Variants in GRM3 observed in about 807,000 individuals in gnomAD.
GRM3 encodes the protein glutamate metabotropic receptor 3.
In GRM3, 26 loss-of-function variants were observed where a neutral mutation model predicts 70.5. That is an observed-to-expected ratio of 0.37 (90% CI 0.27 to 0.51). GRM3 has a LOEUF of 0.51. Among genes scored for constraint, GRM3 ranks in the 20% least tolerant of loss-of-function variants. The pLI is 0.93. For missense variants in GRM3, 859 were observed against 1,123.8 expected (o/e 0.76, Z 3.37); for synonymous variants, 443 against 434.9 (o/e 1.02, Z -0.23).
chr7:86,815,572 T>C (rs1797999277), intron 3 of GRM3, among the ~76,000 whole-genome samples: 1 of 151,978 alleles, frequency 6.6e-6, no homozygotes, highest in South Asian at 2.1e-4. Context: ...CACAATTTCA[T>C]ATTACTATTC....
At chr7:86,832,425 T>A (rs571832160) in intron 3 of GRM3, among the ~76,000 whole-genome samples, 1 of 151,956 alleles carries the variant, frequency 6.6e-6, no homozygotes. Context: ...ATGTTTTGTA[T>A]TTTTAGTAGA....
intron 1 of GRM3, among the ~76,000 whole-genome samples, chr7:86,742,663 G>A (rs1196302099): frequency 6.6e-6 from 1 of 152,082 alleles, no homozygotes; most frequent in Non-Finnish European, 1.5e-5. Context: ...ATTTAGGTAG[G>A]AAATTGAGCC....
At chr7:86,780,396 C>A (rs1453174360) in intron 2 of GRM3, among the ~76,000 whole-genome samples, 1 of 152,198 alleles carries the variant, frequency 6.6e-6, no homozygotes, top group Non-Finnish European at 1.5e-5. Flanking sequence ...ATAATCATAT[C>A]TGGCCAAGTC....
chr7:86,818,944 C>T (rs1798067048), intron 3 of GRM3, among the ~76,000 whole-genome samples: 1 of 152,092 alleles, frequency 6.6e-6, no homozygotes, highest in Non-Finnish European at 1.5e-5. Context: ...CAACCTCCCT[C>T]ATCAGATCTC....
intron 3 of GRM3, among the ~76,000 whole-genome samples, chr7:86,806,112 T>C (rs1006154685): frequency 6.6e-6 from 1 of 152,196 alleles, no homozygotes; most frequent in Non-Finnish European, 1.5e-5. Flanking sequence ...TATTCCATGG[T>C]GTATATGTGC....
chr7:86,826,889 T>A (rs1276158135), intron 3 of GRM3, among the ~76,000 whole-genome samples: 1 of 152,192 alleles, frequency 6.6e-6, no homozygotes, highest in East Asian at 1.9e-4. Context: ...TATGCAAGTG[T>A]CAAGGCCCTT....
At chr7:86,754,725 T>G (rs1430588859) in intron 1 of GRM3, among the ~76,000 whole-genome samples, 1 of 152,130 alleles carries the variant, frequency 6.6e-6, no homozygotes, top group African/African-American at 2.4e-5. Flanking sequence ...GGAATCTTTT[T>G]GGGCAAGTTA....
intron 3 of GRM3, among the ~76,000 whole-genome samples, chr7:86,802,634 T>G (rs1797708335): frequency 6.6e-6 from 1 of 151,602 alleles, no homozygotes; most frequent in Non-Finnish European, 1.5e-5. Context: ...CAGATCACCA[T>G]GTCTTCAATG....
At chr7:86,758,437 T>C (rs1323514190) in intron 1 of GRM3, among the ~76,000 whole-genome samples, 3 of 152,122 alleles carry the variant, frequency 2.0e-5, no homozygotes, top group African/African-American at 7.2e-5. Flanking sequence ...ACAGGGAATT[T>C]GGAGAGGCTC....
chr7:86,650,268 C>G (rs1381185970), intron 1 of GRM3, among the ~76,000 whole-genome samples: 1 of 152,118 alleles, frequency 6.6e-6, no homozygotes, highest in Non-Finnish European at 1.5e-5. Context: ...AGGTAGTTAA[C>G]AAGGCTGCAA....
rs111660189 is a variant in GRM3, at chr7:86,796,517, T to C, written c.1324+9401T>C. Among the ~76,000 whole-genome samples the C allele has an allele frequency of 4.5e-4, 68 of 152,296 alleles. 1 individual carries two copies. Among genetic ancestry groups the C allele is most frequent in the African/African-American group, 1.4e-3 (60 of 41,548 alleles). On this transcript the variant is annotated intron_variant, in intron 3 of 5. Coordinates refer to ENST00000361669, the MANE Select transcript of GRM3 (RefSeq NM_000840.3). Reference sequence around the variant, plus strand: ...AGCATCATGCTGCCACCTTTGTTTTTTTTGCTTAGGACTCTCTTGGCTATA... The same window carrying C: ...AGCATCATGCTGCCACCTTTGTTTTCTTTGCTTAGGACTCTCTTGGCTATA...
Position 86,762,976 on chromosome 7 carries a change from C to T in GRM3, c.-140-2030C>T, listed in dbSNP as rs140011116. On this transcript the variant is annotated intron_variant, in intron 1 of 5. Transcript: ENST00000361669. The stretch of plus-strand genomic sequence containing the variant: ...TAGCCAGGGACAAGATCATAAAGCA[C>T]TGAGAAGAGATTTATAATTAGTTAA... Among the ~76,000 whole-genome samples the T allele has an allele frequency of 2.6e-3, 402 of 152,126 alleles. 2 individuals carry two copies. Among genetic ancestry groups the T allele is most frequent in the African/African-American group, 9.4e-3 (389 of 41,496 alleles).
At chr7:86,768,735 G>C (rs1230503195) in intron 2 of GRM3, among the ~76,000 whole-genome samples, 3 of 152,012 alleles carry the variant, frequency 2.0e-5, no homozygotes, top group African/African-American at 4.8e-5. Flanking sequence ...AAGAGAGAAG[G>C]CTCCATTCCC....
rs923757423 is a variant in GRM3 at position 86,804,220 on chromosome 7, A to G, written c.1324+17104A>G. Among the ~76,000 whole-genome samples the G allele has an allele frequency of 3.9e-5, 6 of 152,324 alleles. No individual in the cohort carries two copies. The South Asian group carries it at 1.0e-3, about 26-fold the overall frequency. On this transcript the variant is annotated intron_variant, in intron 3 of 5. Transcript: ENST00000361669. ...ATGATTGTCACTGGAGATTCTTGAG[A>G]GAATATTGCCATGAATAAGAGTAAG...
chr7:86,839,861 T>C lies in GRM3; in HGVS notation c.2347T>C (p.Leu783=). Residue 783 remains leucine, a synonymous_variant, in exon 4 of 6, where the codon TTG becomes CTG. Transcript: ENST00000361669. This position sits in a 1 kb window ranked among gnomAD's most constrained non-coding sequence, Gnocchi z 4.5. ...FTMYTTCIIW[L]AFLPIFYVTS... is the part of the protein sequence containing the mutation. ...CATGTACACCACGTGCATCATCTGG[T>C]TGGCCTTCCTCCCTATATTTTATGT... 1.2e-6 allele frequency: 2 copies of C among 1,613,198 alleles called. No homozygotes were observed. Among genetic ancestry groups the C allele is most frequent in the Non-Finnish European group, 1.7e-6 (2 of 1,179,114 alleles).
chr7:86,698,539 A>T (rs190169164), intron 1 of GRM3, among the ~76,000 whole-genome samples: 24 of 139,638 alleles, frequency 1.7e-4, no homozygotes, highest in East Asian at 1.4e-3. Context: ...TATATATATA[A>T]AATACACATT....
chr7:86,739,627 C>T (rs1319821702), intron 1 of GRM3, among the ~76,000 whole-genome samples: 1 of 152,124 alleles, frequency 6.6e-6, no homozygotes, highest in East Asian at 1.9e-4. Context: ...TAAAGACTGC[C>T]CCAATCTCCT....
intron 5 of GRM3, among the ~76,000 whole-genome samples, chr7:86,853,604 T>C (rs1178590693): frequency 3.3e-5 from 5 of 152,198 alleles, no homozygotes; most frequent in African/African-American, 7.2e-5. Context: ...CTTTATTTCA[T>C]TGGGCGATTG....
At chr7:86,671,963 A>G (rs1382509976) in intron 1 of GRM3, among the ~76,000 whole-genome samples, 1 of 152,182 alleles carries the variant, frequency 6.6e-6, no homozygotes, top group Non-Finnish European at 1.5e-5. Context: ...ATTATTCTTT[A>G]TTAAACAGGT....
Sources: allele counts gnomAD v4.1 joint callset (sites outside exome capture counted in the v4.1 genomes callset), GRCh38; gene constraint gnomAD v4.1.1; non-coding constraint Gnocchi (gnomAD v3.1); transcripts MANE v1.5; gene names NCBI Gene and HGNC (gene_info 2026-07-23, HGNC 2026-07-21).